CNNM1: variants seen among roughly 807,000 people sequenced by gnomAD.
CNNM1 encodes cyclin and CBS domain divalent metal cation transport mediator 1.
CNNM1 carries 44 observed loss-of-function variants against 78.8 expected under a neutral mutation model. That is an observed-to-expected ratio of 0.56 (90% confidence interval 0.44 to 0.72). The LOEUF (loss-of-function observed/expected upper bound fraction) is 0.72, where lower values mean the gene tolerates loss of function less well. CNNM1 is among the 30% of genes least tolerant of loss of function. CNNM1 has a pLI of 0.00. For synonymous variants in CNNM1, 584 were observed against 581.5 expected (o/e 1.00, Z -0.06); for missense variants, 1,101 against 1,292.2 (o/e 0.85, Z 2.27).
At position 99,342,646 on chromosome 10, in the gene CNNM1, A is replaced by T. The variant is rs1020946718; in HGVS notation, c.1573+11686A>T. ...TGTTTCTCTTCCTGATTTGGTAGGG[A>T]ATGATTTCACTTGATTGTATAGTTA... On this transcript the variant is annotated intron_variant, in intron 1 of 10. Coordinates refer to ENST00000356713, the MANE Select transcript of CNNM1 (RefSeq NM_020348.3). Among the ~76,000 whole-genome samples the T allele has an allele frequency of 3.3e-5, 5 of 151,984 alleles. No homozygotes were observed. The South Asian group carries it at 1.0e-3, about 32-fold the overall frequency.
Position 99,329,495 on chromosome 10 carries a change from GGCC to G in CNNM1, c.118_120del (p.Ala40del). On this transcript the variant is annotated inframe_deletion, in exon 1 of 11. Coordinates refer to ENST00000356713, the MANE Select transcript of CNNM1 (RefSeq NM_020348.3). Reference sequence around the variant, plus strand: ...TCTTTTCCCTGTCTCCTCGGCCCCCGGCCGCCGCCGCCTGGCTGCTGGGCCTGC... The same window carrying G: ...TCTTTTCCCTGTCTCCTCGGCCCCCGGCCGCCGCCTGGCTGCTGGGCCTGC... 9 of 1,507,154 alleles carry G rather than the reference GGCC, an allele frequency of 6.0e-6. No individual in the cohort carries two copies. The highest frequency in any genetic ancestry group is 4.2e-5 in the Admixed American group (2 of 47,610). 93.4% of individuals were successfully genotyped at this position (1,507,154 alleles called of 1,614,324 possible).
chr10:99,387,927 C>T lies in CNNM1; in HGVS notation c.2448C>T (p.Pro816=), dbSNP rs1179499610. 1 of 1,613,516 alleles carries T rather than the reference C, an allele frequency of 6.2e-7. No homozygotes were observed. Among genetic ancestry groups the T allele is most frequent in the Non-Finnish European group, 8.5e-7 (1 of 1,179,700 alleles). ...CAGACGGGGACTCCACTAAGGCCCCCACAACCCGGGGCACACCCCAGACCC... is the reference window on the plus strand; with the variant it reads ...CAGACGGGGACTCCACTAAGGCCCCTACAACCCGGGGCACACCCCAGACCC... ...AFTDGDSTKA[P]TTRGTPQTPK... Residue 816 remains proline (P), a synonymous_variant, in exon 8 of 11, where the codon CCC becomes CCT. Coordinates refer to ENST00000356713, the MANE Select transcript of CNNM1 (RefSeq NM_020348.3).
intron 7 of CNNM1, among the ~76,000 whole-genome samples, chr10:99,387,000 G>A (rs983080511): frequency 6.6e-6 from 1 of 152,182 alleles, no homozygotes; most frequent in African/African-American, 2.4e-5. Flanking sequence ...GCTGATGAGT[G>A]GTTTCACATT....
chr10:99,346,018 G>C (rs1244821515), intron 1 of CNNM1, among the ~76,000 whole-genome samples: 1 of 151,860 alleles, frequency 6.6e-6, no homozygotes, highest in Non-Finnish European at 1.5e-5. Context: ...GCTATTTTAT[G>C]AACAATACGT....
intron 6 of CNNM1, among the ~76,000 whole-genome samples, chr10:99,372,121 A>C (rs760970809): frequency 6.6e-6 from 1 of 152,264 alleles, no homozygotes; most frequent in African/African-American, 2.4e-5. Flanking sequence ...GCTGCTGTGT[A>C]TAGATTTTCA....
intron 1 of CNNM1, among the ~76,000 whole-genome samples, chr10:99,334,627 G>T (rs1046295999): frequency 2.6e-5 from 4 of 152,002 alleles, no homozygotes; most frequent in Non-Finnish European, 5.9e-5. Flanking sequence ...CTCCAGCCTG[G>T]GTGACAGAGA....
rs754071030 is a variant in CNNM1 at position 99,329,924 on chromosome 10, T to G, written c.537T>G (p.Gly179=). The G allele has an allele frequency of 1.5e-4, 213 of 1,381,746 alleles. No individual in the cohort carries two copies. Among genetic ancestry groups the G allele is most frequent in the Middle Eastern group, 2.5e-4 (1 of 4,078 alleles). The allele number at this position is 1,381,746 out of a possible 1,614,324, so 85.6% of individuals were successfully genotyped here. Residue 179 remains glycine, a synonymous_variant, in exon 1 of 11, where the codon GGT becomes GGG. Coordinates refer to ENST00000356713, the MANE Select transcript of CNNM1 (RefSeq NM_020348.3). ...AAGCGGAGCGGGGCGGCGCGGGCGG[T>G]GGCGGGAAGCTCTTTTCACTCTGCG... The part of the protein sequence containing the change: ...KGEAERGGAG[G]GGKLFSLCAW...
chr10:99,354,366 G>C (rs189617392), intron 1 of CNNM1, among the ~76,000 whole-genome samples: 1 of 152,100 alleles, frequency 6.6e-6, no homozygotes, highest in African/African-American at 2.4e-5. Context: ...TAAACATACT[G>C]TTATATTTTA....
At chr10:99,345,031 T>C (rs1407358579) in intron 1 of CNNM1, among the ~76,000 whole-genome samples, 2 of 152,160 alleles carry the variant, frequency 1.3e-5, no homozygotes, top group Non-Finnish European at 2.9e-5. Flanking sequence ...CTGCATTGTG[T>C]TGGAAAGAGC....
At chr10:99,375,224 A>C (rs1444972409) in intron 6 of CNNM1, among the ~76,000 whole-genome samples, 2 of 152,240 alleles carry the variant, frequency 1.3e-5, no homozygotes, top group East Asian at 3.8e-4. Context: ...GATTTTATTC[A>C]GACAAAACAG....
At position 99,362,182 on chromosome 10, in the gene CNNM1, A is replaced by T. The variant is rs774042208; in HGVS notation, c.1859-45A>T. 4.5e-6 allele frequency: 7 copies of T among 1,545,910 alleles called. No homozygotes were observed. The Admixed American group carries it at 1.3e-4, about 29-fold the overall frequency. On this transcript the variant is annotated intron_variant, in intron 3 of 10. Coordinates refer to ENST00000356713, the MANE Select transcript of CNNM1 (RefSeq NM_020348.3). ...AGCTGCCACTGCTGGAATGGGTGGG[A>T]CACAGCTGATGCTGATTCCTCCCTT...
Position 99,386,073 on chromosome 10 carries a change from G to A in CNNM1, c.2341-1747G>A, listed in dbSNP as rs575869088. Among the ~76,000 whole-genome samples, 147 of 152,300 alleles carry A rather than the reference G, an allele frequency of 9.7e-4. 1 individual carries two copies. The highest frequency in any genetic ancestry group is 3.3e-3 in the African/African-American group (139 of 41,564). On this transcript the variant is annotated intron_variant, in intron 7 of 10. Coordinates refer to ENST00000356713, the MANE Select transcript of CNNM1 (RefSeq NM_020348.3). ...GTGTTTTCAACAAGAACATTGAATC[G>A]ATTGAAGACTTTGGATAAATGCTAA...
chr10:99,383,231 T>C (rs2032209607), intron 7 of CNNM1, among the ~76,000 whole-genome samples: 1 of 152,128 alleles, frequency 6.6e-6, no homozygotes, highest in South Asian at 2.1e-4. Context: ...TACTATCTAA[T>C]TCATTACAAA....
intron 1 of CNNM1, among the ~76,000 whole-genome samples, chr10:99,351,355 T>C (rs973940590): frequency 6.6e-6 from 1 of 152,182 alleles, no homozygotes; most frequent in Admixed American, 6.5e-5. Flanking sequence ...TTTTGCCCAC[T>C]TTACCACATA....
chr10:99,381,696 C>T (rs549692672), intron 7 of CNNM1, among the ~76,000 whole-genome samples: 103 of 150,860 alleles, frequency 6.8e-4, no homozygotes, highest in African/African-American at 2.4e-3. Context: ...GAGCCGAGAT[C>T]GGCGCCACTG....
chr10:99,386,660 T>A lies in CNNM1; in HGVS notation c.2341-1160T>A, dbSNP rs1025021001. Among the ~76,000 whole-genome samples the A allele has an allele frequency of 2.0e-5, 3 of 152,234 alleles. No individual in the cohort carries two copies. The East Asian group carries it at 5.8e-4, about 29-fold the overall frequency. On this transcript the variant is annotated intron_variant, in intron 7 of 10. Transcript: ENST00000356713. ...TTGGTTAAAGAAAGGATTGATCGTG[T>A]CCAGTAAAATAATGCGTCTTGTCAG...
chr10:99,390,566 C>A (rs1021369006), intron 10 of CNNM1, among the ~76,000 whole-genome samples, 159 bp downstream of exon 10: 1 of 152,234 alleles, frequency 6.6e-6, no homozygotes. Context: ...TGGGCCAGCA[C>A]TGCACCCTTG....
chr10:99,389,762 AT>A (rs1035952385), intron 9 of CNNM1, among the ~76,000 whole-genome samples: 5 of 152,126 alleles, frequency 3.3e-5, no homozygotes, highest in African/African-American at 1.2e-4. Context: ...GTGCAGTGCC[AT>A]TTCCAACACA....
At chr10:99,351,091 A>G (rs1226950114) in intron 1 of CNNM1, among the ~76,000 whole-genome samples, 1 of 152,232 alleles carries the variant, frequency 6.6e-6, no homozygotes, top group Non-Finnish European at 1.5e-5. Context: ...TAGTTTGGGT[A>G]TGTCGATACG....
Sources: gnomAD v4.1 joint callset for allele counts (sites outside exome capture counted in the v4.1 genomes callset) on GRCh38, gnomAD v4.1.1 for gene constraint, MANE v1.5 for transcripts, NCBI Gene and HGNC (gene_info 2026-07-23, HGNC 2026-07-21) for gene names.